Variants in FBXW8 observed in about 807,000 individuals in gnomAD.
FBXW8 encodes F-box/WD repeat-containing protein 8.
In FBXW8, 57 loss-of-function variants were observed where a neutral mutation model predicts 65.3. The observed-to-expected ratio is 0.87, with a 90% CI of 0.71 to 1.09. FBXW8 has a LOEUF of 1.09. FBXW8 is among the 50% of genes least tolerant of loss of function. The probability of loss-of-function intolerance (pLI) is 0.00; values close to 1 mark genes in which losing one functional copy is unlikely to be tolerated. For missense variants in FBXW8, 777 were observed against 814.8 expected (o/e 0.95, Z 0.57); for synonymous variants, 308 against 330.2 (o/e 0.93, Z 0.73).
chr12:117,000,423 A>G (rs887116906), intron 7 of FBXW8, among the ~76,000 whole-genome samples: 5 of 152,242 alleles, frequency 3.3e-5, no homozygotes, highest in African/African-American at 1.2e-4. Context: ...AAGGCAGTAT[A>G]GGTAGAGCAC....
intron 2 of FBXW8, among the ~76,000 whole-genome samples, chr12:116,941,106 G>A (rs1365213812): frequency 6.6e-6 from 1 of 152,238 alleles, no homozygotes; most frequent in Non-Finnish European, 1.5e-5. Flanking sequence ...TTTCTAGACA[G>A]TGGAAGGAAG....
At chr12:117,010,220 C>A in intron 7 of FBXW8, 103 bp from the exon 8 acceptor site, 1 of 1,521,620 alleles carries the variant, frequency 6.6e-7, no homozygotes, top group Non-Finnish European at 9.0e-7. Flanking sequence ...TTCACGGGAG[C>A]TCAGTGATAA....
intron 8 of FBXW8, among the ~76,000 whole-genome samples, chr12:117,023,161 C>T (rs986452016): frequency 1.1e-4 from 17 of 152,112 alleles, no homozygotes; most frequent in African/African-American, 3.6e-4. Flanking sequence ...GGAAAATTGA[C>T]GTGTGTGCGC....
intron 4 of FBXW8, among the ~76,000 whole-genome samples, chr12:116,960,848 A>G (rs1565915326): frequency 6.6e-6 from 1 of 152,214 alleles, no homozygotes; most frequent in Non-Finnish European, 1.5e-5. Context: ...TAGTAAAAGC[A>G]GTTTCTTCAG....
chr12:117,010,820 G>C (rs1432045409), intron 8 of FBXW8, among the ~76,000 whole-genome samples: 1 of 152,200 alleles, frequency 6.6e-6, no homozygotes, highest in African/African-American at 2.4e-5. Context: ...GATGAATCAT[G>C]TTCAGCAAAA....
intron 1 of FBXW8, among the ~76,000 whole-genome samples, chr12:116,926,262 A>G (rs1452177385): frequency 6.6e-6 from 1 of 152,202 alleles, no homozygotes; most frequent in East Asian, 1.9e-4. Context: ...CTTCAGTTTC[A>G]ATGAATGCGG....
At chr12:116,939,405 G>A (rs577572149) in intron 2 of FBXW8, among the ~76,000 whole-genome samples, 4 of 152,186 alleles carry the variant, frequency 2.6e-5, no homozygotes, top group African/African-American at 7.2e-5. Flanking sequence ...TATTCAAAGC[G>A]CAAGTTCTGC....
intron 1 of FBXW8, among the ~76,000 whole-genome samples, chr12:116,919,143 A>G (rs1205916786): frequency 6.6e-6 from 1 of 152,154 alleles, no homozygotes; most frequent in Non-Finnish European, 1.5e-5. Context: ...AACCGCGGAT[A>G]AGGGGGGACG....
rs186277002 is a variant in FBXW8, at chr12:116,961,872, G to T, written c.678-2825G>T. On this transcript the variant is annotated intron_variant, in intron 4 of 10. Coordinates refer to ENST00000652555, the MANE Select transcript of FBXW8 (RefSeq NM_153348.3). The surrounding 1 kb of genome is among the most constrained non-coding windows in gnomAD (Gnocchi z 4.4). ...AGGTGTTTTGAAGGGCTTGGCTTGT[G>T]GGGGGAGGATTGAATGGAAGAAGCT... is the stretch of plus-strand genomic sequence containing the variant. 4.6e-5 allele frequency among the ~76,000 whole-genome samples: 7 copies of T among 152,182 alleles called. No homozygotes were observed. Among genetic ancestry groups the T allele is most frequent in the Non-Finnish European group, 1.0e-4 (7 of 68,028 alleles).
rs182233901 is a variant in FBXW8, at chr12:117,030,464, T to G, written c.*2292T>G. On this transcript the variant is annotated 3_prime_UTR_variant, in exon 11 of 11. Transcript: ENST00000652555. ...AAGGTTTTCATCAAGCCCCGCCCTT[T>G]CTCTCTCATAGTCTTAATGCGTCTG... The G allele has an allele frequency of 6.7e-6, 1 of 149,952 alleles. No homozygotes were observed. The highest frequency in any genetic ancestry group is 6.6e-5 in the Admixed American group (1 of 15,248). The allele number at this position is 149,952 out of a possible 1,614,324, so 9.3% of individuals were successfully genotyped here.
intron 6 of FBXW8, chr12:116,985,851 T>A (rs1204417627): frequency 6.5e-6 from 1 of 154,208 alleles, no homozygotes; most frequent in African/African-American, 2.4e-5. Context: ...ATCCCAAGAC[T>A]GTCTCACCTG....
At chr12:116,988,141 A>G (rs1478263000) in intron 6 of FBXW8, among the ~76,000 whole-genome samples, 2 of 152,240 alleles carry the variant, frequency 1.3e-5, no homozygotes. Context: ...CTAAGACACA[A>G]TTGTACTACA....
At chr12:116,962,473 C>A (rs1884046123) in intron 4 of FBXW8, among the ~76,000 whole-genome samples, 1 of 152,190 alleles carries the variant, frequency 6.6e-6, no homozygotes, top group African/African-American at 2.4e-5. Flanking sequence ...CTCGCCTCCC[C>A]ACTGTGTCCC....
Position 116,964,598 on chromosome 12 carries a change from A to T in FBXW8, c.678-99A>T, listed in dbSNP as rs1319644810. The T allele has an allele frequency of 2.8e-6, 4 of 1,449,678 alleles. No homozygotes were observed. In the African/African-American group the frequency reaches 4.2e-5, roughly 15 times the overall value. 89.8% of individuals were successfully genotyped at this position (1,449,678 alleles called of 1,614,324 possible). On this transcript the variant is annotated intron_variant, in intron 4 of 10. Transcript: ENST00000652555. ...CTCAGCAGTGGCTCTACACCACCCGATTCTTACTTGTCTGTTGTTGTAAGG... is the reference window on the plus strand; with the variant it reads ...CTCAGCAGTGGCTCTACACCACCCGTTTCTTACTTGTCTGTTGTTGTAAGG...
chr12:117,016,595 C>T (rs1472089898), intron 8 of FBXW8, among the ~76,000 whole-genome samples: 1 of 149,178 alleles, frequency 6.7e-6, no homozygotes, highest in African/African-American at 2.5e-5. Flanking sequence ...ACATTGTATT[C>T]TTTGAAGCAC....
intron 8 of FBXW8, among the ~76,000 whole-genome samples, chr12:117,019,552 C>T (rs1405759494): frequency 6.6e-6 from 1 of 152,158 alleles, no homozygotes; most frequent in Non-Finnish European, 1.5e-5. Context: ...TCCTCTGTGT[C>T]CTAAAACGAC....
intron 8 of FBXW8, among the ~76,000 whole-genome samples, chr12:117,012,854 C>G (rs183544954): frequency 6.6e-6 from 1 of 152,214 alleles, no homozygotes; most frequent in East Asian, 1.9e-4. Context: ...GTACATAAAA[C>G]TGCCCCAGAT....
In FBXW8 at chr12:116,988,979, G is replaced by T. The variant is rs1305406730; in HGVS notation, c.1239+110G>T. 3 of 996,934 alleles carry T rather than the reference G, an allele frequency of 3.0e-6. No homozygotes were observed. The East Asian group carries it at 7.9e-5, about 26-fold the overall frequency. The allele number at this position is 996,934 out of a possible 1,614,324, so 61.8% of individuals were successfully genotyped here. A position where few individuals can be genotyped will look rare whatever the true frequency, so the allele number is the denominator to read the frequency against. On this transcript the variant is annotated intron_variant, in intron 7 of 10. Coordinates refer to ENST00000652555, the MANE Select transcript of FBXW8 (RefSeq NM_153348.3). ...ATATTTTTCCAGATATATCAGGCCA[G>T]TATATAAGCATGGTCAAAAAATTCA...
At chr12:116,996,982 G>A (rs1953393394) in intron 7 of FBXW8, among the ~76,000 whole-genome samples, 1 of 152,174 alleles carries the variant, frequency 6.6e-6, no homozygotes, top group Admixed American at 6.5e-5. Flanking sequence ...TGAACTTGGT[G>A]AATTCCAGAC....
Sources: gnomAD v4.1 joint callset for allele counts (sites outside exome capture counted in the v4.1 genomes callset) on GRCh38, gnomAD v4.1.1 for gene constraint, Gnocchi (gnomAD v3.1) non-coding constraint, MANE v1.5 for transcripts, NCBI Gene and HGNC (gene_info 2026-07-23, HGNC 2026-07-21) for gene names.